Variants in GALNT17 observed in about 807,000 individuals in gnomAD.
The protein encoded by GALNT17 is polypeptide N-acetylgalactosaminyltransferase 17.
A neutral mutation model predicts 63.7 loss-of-function variants in GALNT17; 29 were observed. The ratio of observed to expected loss-of-function variants is 0.46; its 90% CI spans 0.34 to 0.62. GALNT17 has a LOEUF of 0.62. Among genes scored for constraint, GALNT17 ranks in the 20% least tolerant of loss-of-function variants. The pLI, the probability that GALNT17 is intolerant of heterozygous loss-of-function variation, is 0.01. For synonymous variants in GALNT17, 305 were observed against 318.3 expected (o/e 0.96, Z 0.45); for missense variants, 603 against 799.6 (o/e 0.75, Z 2.97).
At chr7:71,489,471 C>T (rs368435466) in intron 5 of GALNT17, among the ~76,000 whole-genome samples, 14 of 152,294 alleles carry the variant, frequency 9.2e-5, no homozygotes, top group African/African-American at 3.1e-4. Context: ...GAGCCTGTGT[C>T]TTCATCTGTA....
intron 1 of GALNT17, among the ~76,000 whole-genome samples, chr7:71,238,939 A>G (rs893546728): frequency 2.0e-5 from 3 of 152,130 alleles, no homozygotes; most frequent in African/African-American, 7.2e-5. Context: ...CTCAGCTGCC[A>G]CACCGTGAGG....
At chr7:71,298,819 C>G (rs1791133987) in intron 1 of GALNT17, among the ~76,000 whole-genome samples, 1 of 151,942 alleles carries the variant, frequency 6.6e-6, no homozygotes, top group African/African-American at 2.4e-5. Flanking sequence ...GTGAGGAGAT[C>G]TATTTCAGAG....
At chr7:71,418,971 C>T (rs1786607004) in intron 4 of GALNT17, among the ~76,000 whole-genome samples, 1 of 152,134 alleles carries the variant, frequency 6.6e-6, no homozygotes, top group Non-Finnish European at 1.5e-5. Flanking sequence ...ATCCCAGCTA[C>T]TCAGGAGGCT....
At chr7:71,426,577 A>G (rs994793436) in intron 5 of GALNT17, among the ~76,000 whole-genome samples, 17 of 152,292 alleles carry the variant, frequency 1.1e-4, no homozygotes, top group Non-Finnish European at 2.2e-4. Flanking sequence ...AGGAGGCCTC[A>G]TAGAGCTTTT....
rs549019240 is a variant in GALNT17, at chr7:71,480,386, T to A, written c.962+59281T>A. ...GGCCATGCCTCTCCTGGGCAGGGTCTCTGCAGTCAGTCCTCTTGTCCACCA... is the reference window on the plus strand; with the variant it reads ...GGCCATGCCTCTCCTGGGCAGGGTCACTGCAGTCAGTCCTCTTGTCCACCA... On this transcript the variant is annotated intron_variant, in intron 5 of 10. Coordinates refer to ENST00000333538, the MANE Select transcript of GALNT17 (RefSeq NM_022479.3). Among the ~76,000 whole-genome samples, 513 of 152,150 alleles carry A rather than the reference T, an allele frequency of 3.4e-3. 3 individuals are homozygous for A. The highest frequency in any genetic ancestry group is 0.014 in the Admixed American group (218 of 15,260).
chr7:71,134,476 G>C (rs901848886), intron 1 of GALNT17, among the ~76,000 whole-genome samples: 1 of 152,150 alleles, frequency 6.6e-6, no homozygotes, highest in African/African-American at 2.4e-5. Context: ...GGATGGGATG[G>C]AGGGAGAGGG....
At chr7:71,607,619 G>T (rs1424259970) in intron 6 of GALNT17, among the ~76,000 whole-genome samples, 4 of 152,088 alleles carry the variant, frequency 2.6e-5, no homozygotes. Context: ...AACACTGAAA[G>T]ATATAAAGAG....
At chr7:71,504,511 T>C (rs767216158) in intron 5 of GALNT17, among the ~76,000 whole-genome samples, 1 of 152,170 alleles carries the variant, frequency 6.6e-6, no homozygotes, top group Non-Finnish European at 1.5e-5. Flanking sequence ...TCTCTTTTGG[T>C]TTACTTATTT....
intron 1 of GALNT17, among the ~76,000 whole-genome samples, chr7:71,198,932 G>A (rs1449640245): frequency 1.3e-5 from 2 of 152,166 alleles, no homozygotes; most frequent in Non-Finnish European, 2.9e-5. Flanking sequence ...ATGAAATGCT[G>A]GCACGATCCT....
chr7:71,487,802 C>G (rs1427350635), intron 5 of GALNT17, among the ~76,000 whole-genome samples: 1 of 152,098 alleles, frequency 6.6e-6, no homozygotes, highest in Non-Finnish European at 1.5e-5. Flanking sequence ...AAGCCAGAAC[C>G]ATATGACATC....
chr7:71,690,557 G>T (rs899345017), intron 9 of GALNT17, among the ~76,000 whole-genome samples: 1 of 152,184 alleles, frequency 6.6e-6, no homozygotes, highest in East Asian at 1.9e-4. Flanking sequence ...CATTTTGTAA[G>T]ACTGTAGCTG....
intron 5 of GALNT17, among the ~76,000 whole-genome samples, chr7:71,472,855 C>A (rs1364012198): frequency 6.6e-6 from 1 of 152,164 alleles, no homozygotes; most frequent in East Asian, 1.9e-4. Flanking sequence ...AAACCAACCC[C>A]ACAAAGCCCA....
In GALNT17 at chr7:71,484,988, T is replaced by A. The variant is rs972409180; in HGVS notation, c.962+63883T>A. Reference sequence around the variant, plus strand: ...TTTTTTTTTTTTTTTTTTTTTTTTTTAGTAGAGGCAAGGTTTCACCATGTT... The same window carrying A: ...TTTTTTTTTTTTTTTTTTTTTTTTTAAGTAGAGGCAAGGTTTCACCATGTT... On this transcript the variant is annotated intron_variant, in intron 5 of 10. Transcript: ENST00000333538. Among the ~76,000 whole-genome samples, 8 of 108,008 alleles carry A rather than the reference T, an allele frequency of 7.4e-5. No homozygotes were observed. In the Admixed American group the frequency reaches 7.8e-4, roughly 11 times the overall value. 70.9% of individuals were successfully genotyped at this position (108,008 alleles called of 152,430 possible).
chr7:71,379,023 G>T (rs996937227), intron 2 of GALNT17, among the ~76,000 whole-genome samples: 1 of 151,918 alleles, frequency 6.6e-6, no homozygotes, highest in Non-Finnish European at 1.5e-5. Context: ...AAAAGAAGAT[G>T]CTGTAGCTCC....
chr7:71,506,246 AT>A (rs1788266557), intron 5 of GALNT17, among the ~76,000 whole-genome samples: 1 of 77,684 alleles, frequency 1.3e-5, no homozygotes, highest in Non-Finnish European at 2.9e-5. Context: ...CATAGAAGGA[AT>A]TTTTATTTTA....
At chr7:71,217,140 G>GTTTTTTTTTTT (rs200574411) in intron 1 of GALNT17, among the ~76,000 whole-genome samples, 3 of 95,214 alleles carry the variant, frequency 3.2e-5, no homozygotes, top group South Asian at 3.9e-4. Context: ...ATTTTTTCGT[G>GTTTTTTTTTTT]TTTTGTTTTT....
rs544222250 is a variant in GALNT17, at chr7:71,377,754, C to T, written c.423-10481C>T. Among the ~76,000 whole-genome samples the T allele has an allele frequency of 1.4e-4, 22 of 152,228 alleles. No individual in the cohort carries two copies. The South Asian group carries it at 2.7e-3, about 19-fold the overall frequency. On this transcript the variant is annotated intron_variant, in intron 2 of 10. Transcript: ENST00000333538. ...GGTGATTGGATCATGGGGGCAGTTT[C>T]CCCCATGTTGTCCTTGTGATATAGT...
Position 71,573,350 on chromosome 7 carries a change from A to C in GALNT17, c.1080+1948A>C, listed in dbSNP as rs1789483384. 2.0e-5 allele frequency among the ~76,000 whole-genome samples: 3 copies of C among 149,932 alleles called. No individual in the cohort carries two copies. The Admixed American group carries it at 2.0e-4, about 10-fold the overall frequency. On this transcript the variant is annotated intron_variant, in intron 6 of 10. Transcript: ENST00000333538. ...AATTTATTTATTTATTTATTTTTTGAGAAGTAGTCTTGCTCTGTCGCCCAG... is the reference window on the plus strand; with the variant it reads ...AATTTATTTATTTATTTATTTTTTGCGAAGTAGTCTTGCTCTGTCGCCCAG...
intron 9 of GALNT17, among the ~76,000 whole-genome samples, chr7:71,706,654 T>A (rs1791725456): frequency 6.6e-6 from 1 of 152,190 alleles, no homozygotes; most frequent in Admixed American, 6.5e-5. Context: ...ACAATGACTT[T>A]GATTTGGAAC....
Sources: gnomAD v4.1 joint callset for allele counts (sites outside exome capture counted in the v4.1 genomes callset) on GRCh38, gnomAD v4.1.1 for gene constraint, MANE v1.5 for transcripts, NCBI Gene and HGNC (gene_info 2026-07-23, HGNC 2026-07-21) for gene names.